Variants in IL1R2 observed in about 807,000 individuals in gnomAD.
IL1R2 encodes the protein interleukin-1 receptor type 2.
A neutral mutation model predicts 39.5 loss-of-function variants in IL1R2; 46 were observed. That is an observed-to-expected ratio of 1.16 (90% CI 0.92 to 1.49). IL1R2 has a LOEUF of 1.49. Ranked by LOEUF, IL1R2 falls within the 40% of genes most tolerant of loss-of-function variation. The probability of loss-of-function intolerance (pLI) is 0.00; values close to 1 mark genes in which losing one functional copy is unlikely to be tolerated. For missense variants in IL1R2, 537 were observed against 502.0 expected (o/e 1.07, Z -0.67); for synonymous variants, 207 against 189.6 (o/e 1.09, Z -0.75).
intron 7 of IL1R2, among the ~76,000 whole-genome samples, chr2:102,025,334 A>G (rs1677664508): frequency 6.6e-6 from 1 of 152,214 alleles, no homozygotes; most frequent in South Asian, 2.1e-4. Flanking sequence ...GTTTTTTGAA[A>G]GACTTATCAC....
At chr2:102,028,198 TC>T in intron 8 of IL1R2, 27 bp from the exon 9 acceptor site, 7 of 1,584,954 alleles carry the variant, frequency 4.4e-6, no homozygotes, top group Non-Finnish European at 6.0e-6. Flanking sequence ...ACTGTTCAGC[TC>T]CTGATGTGAC....
chr2:102,011,144 C>T (rs1279083071), intron 3 of IL1R2, among the ~76,000 whole-genome samples: 1 of 152,194 alleles, frequency 6.6e-6, no homozygotes, highest in Admixed American at 6.5e-5. Context: ...ATTTATCCAT[C>T]CAGGGACACT....
chr2:102,013,170 GA>G (rs1167780823), intron 3 of IL1R2, among the ~76,000 whole-genome samples: 6 of 151,592 alleles, frequency 4.0e-5, no homozygotes, highest in South Asian at 4.2e-4. Flanking sequence ...ATTTTTGTAG[GA>G]AAAAAAAAGC....
At chr2:102,009,877 T>C in intron 3 of IL1R2, 51 bp downstream of exon 3, 1 of 1,584,276 alleles carries the variant, frequency 6.3e-7, no homozygotes, top group Non-Finnish European at 8.6e-7. Flanking sequence ...GGATGGAGGC[T>C]TGTGAGGGTC....
intron 1 of IL1R2, among the ~76,000 whole-genome samples, chr2:101,997,662 G>A (rs1675658991): frequency 6.6e-6 from 1 of 152,168 alleles, no homozygotes; most frequent in Non-Finnish European, 1.5e-5. Flanking sequence ...GCAGGGGAAG[G>A]TCTGAATCTC....
chr2:102,027,555 G>A (rs561186314), intron 8 of IL1R2, among the ~76,000 whole-genome samples: 25 of 152,160 alleles, frequency 1.6e-4, no homozygotes, highest in Non-Finnish European at 3.2e-4. Flanking sequence ...GTTTTAAAAT[G>A]TGAGAATCCT....
At chr2:102,022,584 G>C (rs1364831931) in intron 6 of IL1R2, among the ~76,000 whole-genome samples, 1 of 152,246 alleles carries the variant, frequency 6.6e-6, no homozygotes, top group Non-Finnish European at 1.5e-5. Context: ...ACCCCAGGCA[G>C]AGCCAGCACC....
chr2:102,026,137 A>G lies in IL1R2; in HGVS notation c.914A>G (p.Tyr305Cys). The change falls in exon 8 of 9, where the codon TAC (tyrosine) becomes TGC (cysteine). Residue 305 changes from tyrosine to cysteine, a missense_variant. By Grantham distance (194) the Tyr-to-Cys change is radical. Coordinates refer to ENST00000332549, the MANE Select transcript of IL1R2 (RefSeq NM_004633.4). The part of the protein sequence containing the change: ...RQEYSENNEN[Y>C]IEVPLIFDPV... Reference sequence around the variant, plus strand: ...GAATATTCAGAAAATAATGAGAACTACATTGAAGTGCCATTGATTTTTGAT... The same window carrying G: ...GAATATTCAGAAAATAATGAGAACTGCATTGAAGTGCCATTGATTTTTGAT... 2 of 1,608,522 alleles carry G rather than the reference A, an allele frequency of 1.2e-6. No homozygotes were observed. Among genetic ancestry groups the G allele is most frequent in the Non-Finnish European group, 1.7e-6 (2 of 1,176,048 alleles).
intron 1 of IL1R2, among the ~76,000 whole-genome samples, chr2:102,008,152 C>G (rs764965834): frequency 3.9e-5 from 6 of 152,074 alleles, no homozygotes; most frequent in Non-Finnish European, 8.8e-5. Flanking sequence ...TGAGGGAGAC[C>G]TCACGAAGAA....
chr2:101,998,828 G>A lies in IL1R2; in HGVS notation c.-62+6817G>A, dbSNP rs141043160. On this transcript the variant is annotated intron_variant, in intron 1 of 8. Coordinates refer to ENST00000332549, the MANE Select transcript of IL1R2 (RefSeq NM_004633.4). ...GAAGCAAGCACCCCTTGGAAACCAG[G>A]TGGAGGCTGCATGGATTTTTCTGAT... 3.6e-3 allele frequency among the ~76,000 whole-genome samples: 554 copies of A among 152,314 alleles called. 4 individuals carry two copies. Among genetic ancestry groups the A allele is most frequent in the African/African-American group, 0.012 (510 of 41,568 alleles).
At chr2:102,000,821 G>T (rs1434269472) in intron 1 of IL1R2, among the ~76,000 whole-genome samples, 1 of 152,174 alleles carries the variant, frequency 6.6e-6, no homozygotes, top group Non-Finnish European at 1.5e-5. Context: ...TATTTCCATT[G>T]CTCCGTGTTT....
chr2:102,025,019 C>A (rs1677646124), intron 7 of IL1R2, among the ~76,000 whole-genome samples: 1 of 152,170 alleles, frequency 6.6e-6, no homozygotes, highest in African/African-American at 2.4e-5. Flanking sequence ...TTTTCATAAA[C>A]CCTTAAAAAG....
intron 1 of IL1R2, among the ~76,000 whole-genome samples, chr2:102,005,908 T>G (rs1676231583): frequency 6.6e-6 from 1 of 152,206 alleles, no homozygotes; most frequent in Admixed American, 6.5e-5. Flanking sequence ...GGGTTTAAAT[T>G]TCAACATCTG....
chr2:102,012,222 A>T (rs934541400), intron 3 of IL1R2, among the ~76,000 whole-genome samples: 1 of 151,668 alleles, frequency 6.6e-6, no homozygotes, highest in African/African-American at 2.4e-5. Flanking sequence ...AACTAAGACA[A>T]CCTTTGGCTT....
intron 1 of IL1R2, among the ~76,000 whole-genome samples, chr2:102,007,729 G>A (rs983743313): frequency 6.6e-6 from 1 of 152,210 alleles, no homozygotes; most frequent in African/African-American, 2.4e-5. Context: ...GGCAGAGAGG[G>A]AGGGTGCAGT....
At chr2:101,997,706 C>T (rs369092112) in intron 1 of IL1R2, among the ~76,000 whole-genome samples, 14 of 152,328 alleles carry the variant, frequency 9.2e-5, no homozygotes, top group South Asian at 6.2e-4. Flanking sequence ...ACCTAACAGC[C>T]ACACCATTAT....
intron 7 of IL1R2, chr2:102,024,882 A>G (rs1677639479): frequency 1.9e-6 from 1 of 538,874 alleles, no homozygotes; most frequent in Middle Eastern, 5.1e-4. Context: ...TGCAGTTGAC[A>G]TGTTGGTATT....
At chr2:102,009,276 T>C (rs1476347656) in intron 2 of IL1R2, among the ~76,000 whole-genome samples, 1 of 152,184 alleles carries the variant, frequency 6.6e-6, no homozygotes, top group Non-Finnish European at 1.5e-5. Flanking sequence ...CTTTAATTTT[T>C]TGTCACCGTA....
intron 1 of IL1R2, among the ~76,000 whole-genome samples, chr2:102,003,810 G>GCCTGTGTCTGTGT (rs142425323): frequency 4.1e-4 from 47 of 115,686 alleles, no homozygotes; most frequent in African/African-American, 1.2e-3. Context: ...CTGTGGCTGT[G>GCCTGTGTCTGTGT]CTGTGTCTGT....
Sources: gnomAD v4.1 joint callset for allele counts (sites outside exome capture counted in the v4.1 genomes callset) on GRCh38, gnomAD v4.1.1 for gene constraint, MANE v1.5 for transcripts, NCBI Gene and HGNC (gene_info 2026-07-23, HGNC 2026-07-21) for gene names.